Variants in CSTF2 observed in about 807,000 individuals in gnomAD.
CSTF2 encodes CF-1 64 kDa subunit.
CSTF2 carries 8 observed loss-of-function variants against 45.4 expected under a neutral mutation model. That is an observed-to-expected ratio of 0.18 (90% CI 0.10 to 0.32). The LOEUF is 0.32. CSTF2 is among the 10% of genes least tolerant of loss of function. The pLI is 1.00. For missense variants in CSTF2, 253 were observed against 477.1 expected, an observed-to-expected ratio of 0.53 and a Z score of 4.38; for synonymous variants, 155 against 158.9, an observed-to-expected ratio of 0.98 and a Z score of 0.18.
intron 9 of CSTF2, 109 bp from the exon 10 acceptor site, chrX:100,832,625 T>C: frequency 1.6e-6 from 1 of 608,806 alleles, no homozygotes; most frequent in Non-Finnish European, 2.4e-6. Flanking sequence ...TTCTTGTTAG[T>C]ATTCATAGAC....
intron 1 of CSTF2, 59 bp downstream of exon 1, chrX:100,820,533 C>T: frequency 8.9e-7 from 1 of 1,122,933 alleles, no homozygotes; most frequent in East Asian, 3.0e-5. Flanking sequence ...CACCTTCTAT[C>T]TCATGAATCG....
intron 11 of CSTF2, among the ~76,000 whole-genome samples, chrX:100,834,910 T>G (rs1207625696): frequency 1.8e-5 from 2 of 112,022 alleles, no homozygotes; most frequent in African/African-American, 3.2e-5. Flanking sequence ...AATATTTTGC[T>G]CCTTTCTCTC....
chrX:100,821,158 G>A (rs745761765), intron 1 of CSTF2, among the ~76,000 whole-genome samples: 1 of 112,556 alleles, frequency 8.9e-6, no homozygotes, highest in African/African-American at 3.2e-5. Flanking sequence ...CTTAAATGTT[G>A]TATGTGTGGA....
chrX:100,837,745 C>A (rs1454809663), intron 12 of CSTF2, among the ~76,000 whole-genome samples: 1 of 112,066 alleles, frequency 8.9e-6, no homozygotes, highest in Non-Finnish European at 1.9e-5. Flanking sequence ...AAAATCCACA[C>A]CCTTTTTCCT....
chrX:100,832,584 G>C, intron 9 of CSTF2, 150 bp from the exon 10 acceptor site: 1 of 488,603 alleles, frequency 2.0e-6, no homozygotes, highest in Non-Finnish European at 3.3e-6. Context: ...TTATATCTCT[G>C]TAGCTTTTCT....
chrX:100,838,704 G>A (rs542524482), intron 13 of CSTF2, among the ~76,000 whole-genome samples: 2 of 111,915 alleles, frequency 1.8e-5, no homozygotes, highest in East Asian at 5.6e-4. Flanking sequence ...AGTTTGGTGT[G>A]TATCCTTCTA....
At chrX:100,830,701 A>G in intron 8 of CSTF2, 1 of 609,676 alleles carries the variant, frequency 1.6e-6, no homozygotes, top group South Asian at 2.9e-5. Flanking sequence ...TTGGCTTTTT[A>G]ACTTATATAT....
intron 2 of CSTF2, 21 bp downstream of exon 2, chrX:100,821,626 A>G (rs1397179970): frequency 1.8e-6 from 2 of 1,129,429 alleles, no homozygotes; most frequent in Admixed American, 2.2e-5. Flanking sequence ...CTTTTCCTTC[A>G]TGGTGGGAGC....
chrX:100,833,385 G>T lies in CSTF2; in HGVS notation c.1413G>T (p.Val471=), dbSNP rs150880869. The T allele has an allele frequency of 8.3e-7, 1 of 1,209,192 alleles. No homozygotes were observed. Among genetic ancestry groups the T allele is most frequent in the East Asian group, 3.0e-5 (1 of 33,735 alleles). Residue 471 remains valine (V), a synonymous_variant, in exon 11 of 14, where the codon GTG becomes GTT. Transcript: ENST00000372972. ...GAGGCATGGATACCAGAGGCCCAGT[G>T]CCTGGCCCCAGAGGACCTATACCTA... ...EARGMDTRGP[V]PGPRGPIPSG... is the part of the protein sequence containing the mutation.
rs1396821722 is a variant in CSTF2 at position 100,830,611 on chromosome X, A to G, written c.890-904A>G. Among the ~76,000 whole-genome samples the G allele has an allele frequency of 3.6e-5, 4 of 111,873 alleles. No individual in the cohort carries two copies. In the East Asian group the frequency reaches 1.1e-3, roughly 31 times the overall value. ...ATTCCCTTTCAAAAGCTATCTGGTC[A>G]AAATGGAACTATTTCAGAGACCCAA... On this transcript the variant is annotated intron_variant, in intron 8 of 13. Transcript: ENST00000372972.
chrX:100,827,959 T>C, intron 7 of CSTF2, 81 bp from the exon 8 acceptor site: 1 of 824,617 alleles, frequency 1.2e-6, no homozygotes, highest in Non-Finnish European at 1.8e-6. Context: ...ATGAGGAAAT[T>C]TGTAAACTCA....
chrX:100,820,477 G>A lies in CSTF2; in HGVS notation c.58+3G>A. 1 of 1,210,363 alleles carries A rather than the reference G, an allele frequency of 8.3e-7. No homozygotes were observed. On this transcript the variant is annotated splice_donor_region_variant and intron_variant, in intron 1 of 13. Coordinates refer to ENST00000372972, the MANE Select transcript of CSTF2 (RefSeq NM_001325.3). Reference sequence around the variant, plus strand: ...TCGTTCTCTACGTTCTGTGTTCGGTGAGAGGAATTCGTTGTAGTCAAGCTT... The same window carrying A: ...TCGTTCTCTACGTTCTGTGTTCGGTAAGAGGAATTCGTTGTAGTCAAGCTT...
intron 11 of CSTF2, among the ~76,000 whole-genome samples, chrX:100,834,441 A>G (rs2084995678): frequency 8.9e-6 from 1 of 112,017 alleles, no homozygotes; most frequent in Admixed American, 9.4e-5. Context: ...AGAAGCCACT[A>G]CTTTTTCCAC....
In CSTF2 at chrX:100,831,666, A is replaced by G. The variant is rs76990815; in HGVS notation, c.1031+10A>G. Reference sequence around the variant, plus strand: ...GAGAGGTAGAGCCTAGGTAAGCACTAACATAGAAGGAAACAGTTGAAGAAA... The same window carrying G: ...GAGAGGTAGAGCCTAGGTAAGCACTGACATAGAAGGAAACAGTTGAAGAAA... On this transcript the variant is annotated intron_variant, in intron 9 of 13. Coordinates refer to ENST00000372972, the MANE Select transcript of CSTF2 (RefSeq NM_001325.3). The G allele has an allele frequency of 3.5e-3, 4,216 of 1,205,780 alleles. 104 individuals are homozygous for G. The East Asian group carries it at 0.087, about 25-fold the overall frequency.
At chrX:100,835,328 G>A (rs2085001653) in intron 11 of CSTF2, among the ~76,000 whole-genome samples, 1 of 107,580 alleles carries the variant, frequency 9.3e-6, no homozygotes, top group Non-Finnish European at 1.9e-5. Context: ...CTACTCTGGA[G>A]GCTAAGGCAG....
chrX:100,834,059 A>T (rs778153570), intron 11 of CSTF2, among the ~76,000 whole-genome samples: 1 of 111,785 alleles, frequency 8.9e-6, no homozygotes, highest in Non-Finnish European at 1.9e-5. Context: ...AAAGGTGTGG[A>T]ACCGAAGTCT....
chrX:100,838,543 G>A (rs1310814785), intron 13 of CSTF2, among the ~76,000 whole-genome samples, 179 bp downstream of exon 13: 3 of 111,812 alleles, frequency 2.7e-5, no homozygotes, highest in Non-Finnish European at 5.6e-5. Context: ...TACAATGTTT[G>A]TTCAGTTGTT....
rs774500916 is a variant in CSTF2, at chrX:100,820,503, C to T, written c.58+29C>T. 3 of 1,182,518 alleles carry T rather than the reference C, an allele frequency of 2.5e-6. No homozygotes were observed. In the African/African-American group the frequency reaches 5.3e-5, roughly 21 times the overall value. ...AGAGGAATTCGTTGTAGTCAAGCTT[C>T]GGGGAGGGACTCCCCTCTGCACCTT... On this transcript the variant is annotated intron_variant, in intron 1 of 13. Transcript: ENST00000372972.
At chrX:100,822,187 C>A (rs2084922241) in intron 2 of CSTF2, 64 bp from the exon 3 acceptor site, 2 of 901,303 alleles carry the variant, frequency 2.2e-6, no homozygotes, top group Middle Eastern at 3.0e-4. Flanking sequence ...TAAAGCATGG[C>A]AATGTTAGCA....
Sources: allele counts gnomAD v4.1 joint callset (sites outside exome capture counted in the v4.1 genomes callset), GRCh38; gene constraint gnomAD v4.1.1; transcripts MANE v1.5; gene names NCBI Gene and HGNC (gene_info 2026-07-23, HGNC 2026-07-21).